Variants in PTPRD observed in about 807,000 individuals in gnomAD.
The protein encoded by PTPRD is protein tyrosine phosphatase receptor type D.
Under a neutral mutation model 214.5 loss-of-function variants are expected in PTPRD, and 34 were observed. The ratio of observed to expected loss-of-function variants is 0.16; its 90% CI spans 0.12 to 0.21. The LOEUF is 0.21. PTPRD is among the 10% of genes least tolerant of loss of function. PTPRD has a pLI of 1.00. For missense variants in PTPRD, 2,545 were observed against 2,398.7 expected, an observed-to-expected ratio of 1.06 and a Z score of -1.27; for synonymous variants, 1,128 against 845.7, an observed-to-expected ratio of 1.33 and a Z score of -5.79.
intron 2 of PTPRD, among the ~76,000 whole-genome samples, chr9:10,403,184 T>C (rs1221328734): frequency 6.8e-6 from 1 of 146,418 alleles, no homozygotes; most frequent in African/African-American, 2.5e-5. Context: ...GCACTTTGTT[T>C]TTCCATTTGC....
At chr9:8,449,201 G>C (rs1198127502) in intron 34 of PTPRD, among the ~76,000 whole-genome samples, 1 of 152,122 alleles carries the variant, frequency 6.6e-6, no homozygotes, top group Admixed American at 6.5e-5. Flanking sequence ...GAAGTGATCA[G>C]TGAAATTTAG....
chr9:10,491,706 G>A (rs1010268773), intron 2 of PTPRD, among the ~76,000 whole-genome samples: 1 of 151,654 alleles, frequency 6.6e-6, no homozygotes, highest in Non-Finnish European at 1.5e-5. Context: ...CAATTTTCAG[G>A]GTTTCTTTCT....
intron 6 of PTPRD, among the ~76,000 whole-genome samples, chr9:9,749,996 T>A (rs574198642): frequency 1.2e-4 from 19 of 152,188 alleles, no homozygotes; most frequent in Non-Finnish European, 2.6e-4. Flanking sequence ...ACAGCCTTCA[T>A]AACAAAGAGC....
At chr9:8,887,896 T>A (rs550243987) in intron 11 of PTPRD, among the ~76,000 whole-genome samples, 19 of 152,288 alleles carry the variant, frequency 1.2e-4, no homozygotes, top group Non-Finnish European at 2.4e-4. Flanking sequence ...AGTCTTATGT[T>A]TCCTCACTGG....
At chr9:10,596,319 A>G (rs995311579) in intron 2 of PTPRD, among the ~76,000 whole-genome samples, 2 of 151,712 alleles carry the variant, frequency 1.3e-5, no homozygotes, top group South Asian at 4.1e-4. Context: ...AAAGAATTTT[A>G]TGTCTATAGT....
At chr9:9,001,565 G>A (rs1200846039) in intron 11 of PTPRD, among the ~76,000 whole-genome samples, 7 of 151,898 alleles carry the variant, frequency 4.6e-5, no homozygotes, top group African/African-American at 7.3e-5. Context: ...GCTCTGGATC[G>A]GGTTCAAAAA....
chr9:10,283,299 G>C (rs1037921451), intron 3 of PTPRD, among the ~76,000 whole-genome samples: 1 of 152,116 alleles, frequency 6.6e-6, no homozygotes, highest in Non-Finnish European at 1.5e-5. Flanking sequence ...TATGAATTCA[G>C]TGTTAGGTTT....
chr9:10,479,898 G>C (rs949474410), intron 2 of PTPRD, among the ~76,000 whole-genome samples: 1 of 152,056 alleles, frequency 6.6e-6, no homozygotes, highest in Non-Finnish European at 1.5e-5. Context: ...TCAATCTGAA[G>C]GGGCTTGTTA....
At chr9:9,719,557 C>T (rs925275158) in intron 7 of PTPRD, among the ~76,000 whole-genome samples, 4 of 144,620 alleles carry the variant, frequency 2.8e-5, no homozygotes, top group African/African-American at 1.1e-4. Flanking sequence ...GCGAGGCAAG[C>T]CAGCCCAGGA....
chr9:9,599,304 A>T (rs1165893442), intron 7 of PTPRD, among the ~76,000 whole-genome samples: 1 of 152,094 alleles, frequency 6.6e-6, no homozygotes, highest in Non-Finnish European at 1.5e-5. Context: ...AGCCTTAGAA[A>T]GGACACACAA....
chr9:9,932,330 A>G (rs1602670596), intron 5 of PTPRD, among the ~76,000 whole-genome samples: 1 of 143,730 alleles, frequency 7.0e-6, no homozygotes, highest in East Asian at 2.1e-4. Context: ...AAACTTTGAA[A>G]AAAATTTAGA....
chr9:9,903,422 G>T (rs1019923016), intron 5 of PTPRD, among the ~76,000 whole-genome samples: 17 of 152,106 alleles, frequency 1.1e-4, no homozygotes, highest in African/African-American at 4.1e-4. Flanking sequence ...CATAGAAACA[G>T]TTTCACAAGT....
At chr9:9,129,791 T>C (rs550311925) in intron 10 of PTPRD, among the ~76,000 whole-genome samples, 12 of 152,282 alleles carry the variant, frequency 7.9e-5, no homozygotes, top group Non-Finnish European at 1.6e-4. Context: ...TAGTTATTTG[T>C]CCAACCAGAA....
intron 11 of PTPRD, among the ~76,000 whole-genome samples, chr9:8,813,262 G>T (rs1280602827): frequency 6.8e-6 from 1 of 146,580 alleles, no homozygotes; most frequent in Non-Finnish European, 1.5e-5. Flanking sequence ...ATTGAGGAAG[G>T]GCGGGGGGGC....
At chr9:8,519,456 G>T (rs188275520) in intron 20 of PTPRD, among the ~76,000 whole-genome samples, 1 of 152,168 alleles carries the variant, frequency 6.6e-6, no homozygotes, top group Admixed American at 6.5e-5. Flanking sequence ...CATTCTAATA[G>T]TTGACTCTTT....
At chr9:8,504,508 C>A in intron 22 of PTPRD, 103 bp from the exon 23 acceptor site, 1 of 1,318,982 alleles carries the variant, frequency 7.6e-7, no homozygotes, top group South Asian at 1.3e-5. Context: ...GGATTATAAT[C>A]TCATCAAAAT....
At chr9:9,458,017 G>C (rs2093254293) in intron 8 of PTPRD, among the ~76,000 whole-genome samples, 1 of 152,070 alleles carries the variant, frequency 6.6e-6, no homozygotes. Context: ...GTTTAAATGT[G>C]ATCATTAATC....
At chr9:8,375,418 T>A (rs1363091153) in intron 39 of PTPRD, among the ~76,000 whole-genome samples, 3 of 152,080 alleles carry the variant, frequency 2.0e-5, no homozygotes, top group Non-Finnish European at 2.9e-5. Flanking sequence ...TAAATACATT[T>A]TTAAAAATCA....
chr9:10,139,281 T>A (rs1478746326), intron 3 of PTPRD, among the ~76,000 whole-genome samples: 2 of 141,718 alleles, frequency 1.4e-5, no homozygotes, highest in Non-Finnish European at 3.1e-5. Flanking sequence ...CAATTTATAA[T>A]AGCAATGAAA....
Sources: allele counts gnomAD v4.1 joint callset (sites outside exome capture counted in the v4.1 genomes callset), GRCh38; gene constraint gnomAD v4.1.1; transcripts MANE v1.5; gene names NCBI Gene and HGNC (gene_info 2026-07-23, HGNC 2026-07-21).